LRP1B: variants seen among roughly 807,000 people sequenced by gnomAD.
LRP1B encodes the protein low-density lipoprotein receptor-related protein 1B.
In LRP1B, 217 loss-of-function variants were observed where a neutral mutation model predicts 556.6. That is an observed-to-expected ratio of 0.39 (90% CI 0.35 to 0.44). The LOEUF (loss-of-function observed/expected upper bound fraction) is 0.44. Ranked by LOEUF, LRP1B falls within the 20% of genes least tolerant of loss-of-function variation. LRP1B has a pLI of 1.00. For missense variants in LRP1B, 5,053 were observed against 5,620.8 expected (o/e 0.90, Z 3.23); for synonymous variants, 2,047 against 1,865.8 (o/e 1.10, Z -2.50).
At chr2:141,681,960 A>T (rs948304458) in intron 2 of LRP1B, among the ~76,000 whole-genome samples, 5 of 152,196 alleles carry the variant, frequency 3.3e-5, no homozygotes, top group African/African-American at 1.2e-4. Flanking sequence ...TGGAGGATTA[A>T]CATCTCTTTG....
At chr2:140,270,504 C>T (rs1682408143) in intron 85 of LRP1B, among the ~76,000 whole-genome samples, 158 bp from the exon 86 acceptor site, 1 of 151,876 alleles carries the variant, frequency 6.6e-6, no homozygotes, top group Non-Finnish European at 1.5e-5. Flanking sequence ...TCACTAGAGG[C>T]AGTTTAATTT....
chr2:140,653,604 G>A (rs558283250), intron 41 of LRP1B, among the ~76,000 whole-genome samples: 2 of 152,008 alleles, frequency 1.3e-5, no homozygotes, highest in East Asian at 1.9e-4. Flanking sequence ...AAGAAAACAA[G>A]TTTTTTCATA....
chr2:141,169,558 G>A (rs527717516), intron 7 of LRP1B, among the ~76,000 whole-genome samples: 1 of 151,742 alleles, frequency 6.6e-6, no homozygotes, highest in South Asian at 2.1e-4. Flanking sequence ...ACAGTGACAT[G>A]AGATACAGAA....
chr2:141,874,207 T>G (rs1256681327), intron 1 of LRP1B, among the ~76,000 whole-genome samples: 2 of 151,052 alleles, frequency 1.3e-5, no homozygotes, highest in Non-Finnish European at 3.0e-5. Flanking sequence ...CTGGCATACA[T>G]TTCACTGAAA....
At chr2:141,575,716 T>A (rs62166479) in intron 2 of LRP1B, among the ~76,000 whole-genome samples, 5,505 of 150,872 alleles carry the variant, frequency 0.036, 158 homozygotes, top group East Asian at 0.13. Flanking sequence ...AGGTCTAATA[T>A]CCTGAATTTA....
intron 3 of LRP1B, among the ~76,000 whole-genome samples, chr2:141,451,991 A>G (rs1370748701): frequency 6.6e-6 from 1 of 152,210 alleles, no homozygotes; most frequent in African/African-American, 2.4e-5. Context: ...CCTTCAACAA[A>G]TATTTATTAA....
chr2:142,095,547 A>AACCAATG (rs1706330417), intron 1 of LRP1B, among the ~76,000 whole-genome samples: 1 of 151,804 alleles, frequency 6.6e-6, no homozygotes, highest in Admixed American at 6.6e-5. Flanking sequence ...GGTCATATTT[A>AACCAATG]ACCAATGACT....
intron 2 of LRP1B, among the ~76,000 whole-genome samples, chr2:141,677,716 T>C (rs1053676643): frequency 6.6e-6 from 1 of 152,186 alleles, no homozygotes; most frequent in Non-Finnish European, 1.5e-5. Flanking sequence ...CTCAAACTCC[T>C]GACCTCGGGT....
At chr2:141,020,208 G>C in intron 11 of LRP1B, 106 bp from the exon 12 acceptor site, 1 of 624,162 alleles carries the variant, frequency 1.6e-6, no homozygotes, top group Admixed American at 3.5e-5. Flanking sequence ...AAAAAGGAAA[G>C]AACTCTGATC....
chr2:140,318,251 C>T (rs1684615886), intron 82 of LRP1B, among the ~76,000 whole-genome samples: 1 of 151,916 alleles, frequency 6.6e-6, no homozygotes, highest in South Asian at 2.1e-4. Flanking sequence ...TAAAATGGTC[C>T]AAACTGTTTA....
Position 141,229,203 on chromosome 2 carries a change from T to C in LRP1B, c.830A>G (p.Asn277Ser), listed in dbSNP as rs781127209. 6 of 1,613,050 alleles carry C rather than the reference T, an allele frequency of 3.7e-6. No individual in the cohort carries two copies. Among genetic ancestry groups the C allele is most frequent in the East Asian group, 4.5e-5 (2 of 44,772 alleles). The change falls in exon 6 of 91, where the codon AAT becomes AGT. Residue 277 changes from asparagine (N) to serine (S), a missense_variant. By Grantham distance (46) the Asn-to-Ser change is conservative. Transcript: ENST00000389484. ...AGGLTDEWTI[N>S]ILQSFHNVQQ... ...CTTACTGTGGAAGGATTGAAGAATA[T>C]TGATTGTCCATTCATCTGTTAATCC...
chr2:141,464,597 TA>T (rs1296295117), intron 3 of LRP1B, among the ~76,000 whole-genome samples: 1 of 62,958 alleles, frequency 1.6e-5, no homozygotes, highest in Non-Finnish European at 3.8e-5. Flanking sequence ...TATATATATA[TA>T]TATATATATT....
At chr2:141,170,018 T>C (rs1680431880) in intron 7 of LRP1B, among the ~76,000 whole-genome samples, 1 of 152,028 alleles carries the variant, frequency 6.6e-6, no homozygotes, top group Non-Finnish European at 1.5e-5. Flanking sequence ...TTCTCTTCCA[T>C]AATTGTGCTT....
chr2:141,606,016 A>G (rs1687907451), intron 2 of LRP1B, among the ~76,000 whole-genome samples: 1 of 152,098 alleles, frequency 6.6e-6, no homozygotes, highest in Non-Finnish European at 1.5e-5. Context: ...TCGAAAGTCT[A>G]TGAATGGCTC....
chr2:141,984,430 T>C (rs904014465), intron 1 of LRP1B, among the ~76,000 whole-genome samples: 5 of 152,112 alleles, frequency 3.3e-5, no homozygotes, highest in Non-Finnish European at 5.9e-5. Flanking sequence ...CAGCTCAAGA[T>C]AGAAAGGTGA....
At chr2:140,870,475 C>T (rs1383368046) in intron 25 of LRP1B, among the ~76,000 whole-genome samples, 1 of 152,120 alleles carries the variant, frequency 6.6e-6, no homozygotes, top group Non-Finnish European at 1.5e-5. Context: ...TTTTATATGG[C>T]TCCCATGTAC....
chr2:140,233,289 T>C lies in LRP1B; in HGVS notation c.13697A>G (p.Tyr4566Cys). ...GTTTCGACAGTTTTGCCCATCCATA[T>C]ATAATTTTGCATATACCGGATTGGA... ...NYSNPVYAKL[Y>C]MDGQNCRNSL... Residue 4566 changes from tyrosine to cysteine, a missense_variant, in exon 91 of 91, where the codon TAT (tyrosine) becomes TGT (cysteine). Transcript: ENST00000389484. 6.2e-7 allele frequency: 1 copy of C among 1,604,816 alleles called. No homozygotes were observed. The highest frequency in any genetic ancestry group is 1.7e-4 in the Middle Eastern group (1 of 6,008).
At chr2:141,982,616 G>A (rs1702074303) in intron 1 of LRP1B, among the ~76,000 whole-genome samples, 1 of 152,124 alleles carries the variant, frequency 6.6e-6, no homozygotes, top group Admixed American at 6.6e-5. Flanking sequence ...AATTCAGTGG[G>A]AAATATTGAA....
intron 35 of LRP1B, among the ~76,000 whole-genome samples, chr2:140,760,268 G>T (rs1688869422): frequency 6.6e-6 from 1 of 152,174 alleles, no homozygotes; most frequent in Non-Finnish European, 1.5e-5. Flanking sequence ...AGCACTATTT[G>T]TATTTTGGGA....
Sources: gnomAD v4.1 joint callset for allele counts (sites outside exome capture counted in the v4.1 genomes callset) on GRCh38, gnomAD v4.1.1 for gene constraint, MANE v1.5 for transcripts, NCBI Gene and HGNC (gene_info 2026-07-23, HGNC 2026-07-21) for gene names.